Variants in SIPA1L1 observed in about 807,000 individuals in gnomAD.
SIPA1L1 encodes signal induced proliferation associated 1 like 1, also known as signal-induced proliferation-associated 1-like protein 1.
A neutral mutation model predicts 162.7 loss-of-function variants in SIPA1L1; 26 were observed. The observed-to-expected ratio is 0.16, with a 90% CI of 0.12 to 0.22. The LOEUF is 0.22. Ranked by LOEUF, SIPA1L1 falls within the 10% of genes least tolerant of loss-of-function variation. SIPA1L1 has a pLI of 1.00. For synonymous variants in SIPA1L1, 829 were observed against 837.4 expected, an observed-to-expected ratio of 0.99 and a Z score of 0.17; for missense variants, 1,874 against 2,241.0, an observed-to-expected ratio of 0.84 and a Z score of 3.31.
chr14:71,464,226 C>T (rs1016985260), intron 2 of SIPA1L1, among the ~76,000 whole-genome samples: 1 of 152,222 alleles, frequency 6.6e-6, no homozygotes, highest in African/African-American at 2.4e-5. Context: ...TCCTCTACAT[C>T]AAACCAAGGG....
chr14:71,711,892 C>T (rs192408148), intron 17 of SIPA1L1, among the ~76,000 whole-genome samples: 1 of 152,292 alleles, frequency 6.6e-6, no homozygotes, highest in East Asian at 1.9e-4. Flanking sequence ...CAGAGCTTCT[C>T]ACCCACTCAT....
chr14:71,434,527 T>C (rs1001990944), intron 2 of SIPA1L1, among the ~76,000 whole-genome samples: 1 of 152,220 alleles, frequency 6.6e-6, no homozygotes, highest in African/African-American at 2.4e-5. Context: ...CTGTCCTTTT[T>C]GTTTTCCAGG....
intron 4 of SIPA1L1, among the ~76,000 whole-genome samples, chr14:71,544,109 A>ATATACACATATATGCACATGTATG (rs2054855329): frequency 6.6e-6 from 1 of 151,568 alleles, no homozygotes; most frequent in Non-Finnish European, 1.5e-5. Flanking sequence ...ACATGTATGT[A>ATATACACATATATGCACATGTATG]TATACACATA....
At chr14:71,367,276 T>C (rs1215969414) in intron 2 of SIPA1L1, among the ~76,000 whole-genome samples, 3 of 151,926 alleles carry the variant, frequency 2.0e-5, no homozygotes, top group Non-Finnish European at 4.4e-5. Flanking sequence ...TTTTCACTTT[T>C]ATAAAAAAGC....
At chr14:71,721,160 C>T (rs1376318870) in intron 17 of SIPA1L1, among the ~76,000 whole-genome samples, 1 of 152,214 alleles carries the variant, frequency 6.6e-6, no homozygotes, top group Non-Finnish European at 1.5e-5. Flanking sequence ...TGTATCAGCA[C>T]TAGGGGGCAC....
At chr14:71,333,859 C>G (rs1380848775) in intron 2 of SIPA1L1, among the ~76,000 whole-genome samples, 4 of 151,990 alleles carry the variant, frequency 2.6e-5, no homozygotes, top group Non-Finnish European at 5.9e-5. Context: ...TAGCAATGCT[C>G]TATAGGTGAG....
At chr14:71,639,681 A>G (rs1054240281) in intron 7 of SIPA1L1, among the ~76,000 whole-genome samples, 11 of 152,358 alleles carry the variant, frequency 7.2e-5, no homozygotes, top group African/African-American at 2.6e-4. Flanking sequence ...GACATGTTAT[A>G]TAGCTCCAGT....
intron 10 of SIPA1L1, 135 bp from the exon 11 acceptor site, chr14:71,670,984 G>A (rs1487947007): frequency 2.2e-5 from 16 of 713,282 alleles, no homozygotes; most frequent in African/African-American, 7.1e-5. Flanking sequence ...GCAGAAATGT[G>A]TGTTGTTTCT....
chr14:71,548,000 G>C (rs1056046777), intron 4 of SIPA1L1, among the ~76,000 whole-genome samples: 2 of 152,142 alleles, frequency 1.3e-5, no homozygotes, highest in African/African-American at 4.8e-5. Flanking sequence ...TTCTTGTAAA[G>C]CCATAATGAC....
Position 71,414,951 on chromosome 14 carries a change from A to C in SIPA1L1, c.-465+93770A>C, listed in dbSNP as rs117829299. Reference sequence around the variant, plus strand: ...ATGCAGATTAAGGGAGACGTATTTTATACAGGCCAAAAATACTGTCATATG... The same window carrying C: ...ATGCAGATTAAGGGAGACGTATTTTCTACAGGCCAAAAATACTGTCATATG... On this transcript the variant is annotated intron_variant, in intron 2 of 23. Transcript: ENST00000381232. 2.3e-4 allele frequency among the ~76,000 whole-genome samples: 35 copies of C among 152,380 alleles called. 1 individual carries two copies. The East Asian group carries it at 5.8e-3, about 25-fold the overall frequency.
At chr14:71,548,663 G>A (rs1221227924) in intron 4 of SIPA1L1, among the ~76,000 whole-genome samples, 1 of 152,052 alleles carries the variant, frequency 6.6e-6, no homozygotes, top group Non-Finnish European at 1.5e-5. Context: ...TTGGGAGGCC[G>A]AGGTGATCGG....
chr14:71,600,133 T>C (rs142053463), intron 5 of SIPA1L1, among the ~76,000 whole-genome samples: 12 of 152,334 alleles, frequency 7.9e-5, no homozygotes, highest in Non-Finnish European at 1.3e-4. Context: ...CCCATATGTC[T>C]ATTCTTGTTT....
intron 13 of SIPA1L1, among the ~76,000 whole-genome samples, chr14:71,694,224 CCGTGTGTGTGTG>C (rs1405947049): frequency 1.3e-5 from 2 of 151,974 alleles, no homozygotes; most frequent in Admixed American, 1.3e-4. Flanking sequence ...TGTTAGAAAT[CCGTGTGTGTGTG>C]CGTGTGTGTA....
At chr14:71,561,544 G>A (rs1226094224) in intron 4 of SIPA1L1, among the ~76,000 whole-genome samples, 2 of 152,164 alleles carry the variant, frequency 1.3e-5, no homozygotes, top group African/African-American at 4.8e-5. Flanking sequence ...ATTAACAAGT[G>A]AAGAATTACT....
At chr14:71,362,037 T>C (rs1369877926) in intron 2 of SIPA1L1, among the ~76,000 whole-genome samples, 4 of 152,184 alleles carry the variant, frequency 2.6e-5, no homozygotes, top group Non-Finnish European at 4.4e-5. Flanking sequence ...TGGAGTCACA[T>C]GTTTAGAAGT....
intron 13 of SIPA1L1, among the ~76,000 whole-genome samples, chr14:71,691,455 G>A (rs1195577691): frequency 1.3e-5 from 2 of 152,174 alleles, no homozygotes; most frequent in Non-Finnish European, 2.9e-5. Context: ...TTAGCCAGGT[G>A]TGGTGGCACA....
At chr14:71,468,200 TAAAA>T (rs1354856608) in intron 2 of SIPA1L1, among the ~76,000 whole-genome samples, 1 of 152,128 alleles carries the variant, frequency 6.6e-6, no homozygotes, top group Non-Finnish European at 1.5e-5. Flanking sequence ...ACAGAAGAAA[TAAAA>T]GGCATTGTCT....
At chr14:71,500,760 A>G (rs1047276732) in intron 2 of SIPA1L1, among the ~76,000 whole-genome samples, 1 of 152,198 alleles carries the variant, frequency 6.6e-6, no homozygotes, top group Non-Finnish European at 1.5e-5. Flanking sequence ...TAATCCCAGC[A>G]CTTTGGGAGG....
intron 17 of SIPA1L1, among the ~76,000 whole-genome samples, chr14:71,718,158 T>C (rs1050342090): frequency 2.6e-5 from 4 of 152,176 alleles, no homozygotes; most frequent in Non-Finnish European, 5.9e-5. Context: ...ATTAAATATC[T>C]AGGATTGGGA....
Sources: gnomAD v4.1 joint callset for allele counts (sites outside exome capture counted in the v4.1 genomes callset) on GRCh38, gnomAD v4.1.1 for gene constraint, MANE v1.5 for transcripts, NCBI Gene and HGNC (gene_info 2026-07-23, HGNC 2026-07-21) for gene names.